The following NEDD4L variants were observed in gnomAD, a reference collection of about 807,000 sequenced individuals.
The protein encoded by NEDD4L is E3 ubiquitin-protein ligase NEDD4-like.
In NEDD4L, 54 loss-of-function variants were observed where a neutral mutation model predicts 148.9. The observed-to-expected ratio is 0.36, with a 90% CI of 0.29 to 0.45. The LOEUF is 0.45. NEDD4L is among the 20% of genes least tolerant of loss of function. The pLI is 1.00. For synonymous variants in NEDD4L, 433 were observed against 440.7 expected (o/e 0.98, Z 0.22); for missense variants, 856 against 1,233.8 (o/e 0.69, Z 4.59).
chr18:58,112,614 A>C (rs1373105756), intron 1 of NEDD4L, among the ~76,000 whole-genome samples: 1 of 151,934 alleles, frequency 6.6e-6, no homozygotes. Flanking sequence ...TCTGCCTCCC[A>C]AGTAGCTGGG....
intron 1 of NEDD4L, among the ~76,000 whole-genome samples, chr18:58,057,425 A>C (rs1370558468): frequency 6.6e-6 from 1 of 152,112 alleles, no homozygotes; most frequent in Non-Finnish European, 1.5e-5. Context: ...AACAGCTGGG[A>C]GCGTTTGCTT....
At chr18:58,312,799 A>G (rs113046684) in intron 5 of NEDD4L, among the ~76,000 whole-genome samples, 4 of 152,012 alleles carry the variant, frequency 2.6e-5, no homozygotes, top group East Asian at 1.9e-4. Context: ...TCCTGCCTCA[A>G]CCTCCCAAGT....
chr18:58,148,696 T>C (rs2034366100), intron 1 of NEDD4L, among the ~76,000 whole-genome samples: 1 of 152,224 alleles, frequency 6.6e-6, no homozygotes, highest in African/African-American at 2.4e-5. Flanking sequence ...TCATTTTACC[T>C]TAATAACCTC....
intron 5 of NEDD4L, among the ~76,000 whole-genome samples, chr18:58,306,154 G>A (rs1269417425): frequency 6.6e-6 from 1 of 152,074 alleles, no homozygotes; most frequent in Non-Finnish European, 1.5e-5. Flanking sequence ...CAAGGAAGAG[G>A]ACATATGGAA....
intron 5 of NEDD4L, among the ~76,000 whole-genome samples, chr18:58,296,980 G>C (rs910245240): frequency 2.0e-5 from 3 of 152,120 alleles, no homozygotes; most frequent in Non-Finnish European, 2.9e-5. Flanking sequence ...CCAGCTACTT[G>C]GGAGGCTGAG....
At chr18:58,134,880 C>T (rs964582659) in intron 1 of NEDD4L, among the ~76,000 whole-genome samples, 22 of 151,062 alleles carry the variant, frequency 1.5e-4, no homozygotes, top group African/African-American at 5.1e-4. Flanking sequence ...ACCTTTAGTA[C>T]AGTGTGAAGT....
chr18:58,388,807 G>C, intron 27 of NEDD4L: 1 of 431,356 alleles, frequency 2.3e-6, no homozygotes, highest in South Asian at 2.4e-5. Context: ...CGTAAGACTA[G>C]AGGGGTAGGG....
intron 13 of NEDD4L, among the ~76,000 whole-genome samples, chr18:58,338,477 T>C (rs2042039870): frequency 6.6e-6 from 1 of 152,242 alleles, no homozygotes; most frequent in Non-Finnish European, 1.5e-5. Context: ...CAAATTGCCC[T>C]CTCACATAAA....
intron 2 of NEDD4L, among the ~76,000 whole-genome samples, chr18:58,227,506 G>T (rs117541402): frequency 0.017 from 2,557 of 152,202 alleles, 39 homozygotes; most frequent in Middle Eastern, 0.044. Flanking sequence ...AATGGAATTC[G>T]CTGGGTGATT....
intron 1 of NEDD4L, among the ~76,000 whole-genome samples, chr18:58,097,056 G>A (rs1490850336): frequency 6.6e-6 from 1 of 152,108 alleles, no homozygotes; most frequent in Non-Finnish European, 1.5e-5. Flanking sequence ...ACATCAAACT[G>A]TGGCATTGCA....
At chr18:58,149,483 A>G in intron 1 of NEDD4L, 1 of 1,550,744 alleles carries the variant, frequency 6.4e-7, no homozygotes, top group Non-Finnish European at 8.7e-7. Flanking sequence ...TCTGCCCTTG[A>G]GTTTTCCAGC....
At chr18:58,331,523 A>G (rs866304200) in intron 11 of NEDD4L, among the ~76,000 whole-genome samples, 1 of 152,190 alleles carries the variant, frequency 6.6e-6, no homozygotes, top group Non-Finnish European at 1.5e-5. Context: ...ACCATCAGAA[A>G]CATACTTTCT....
At chr18:58,383,561 A>G (rs978392614) in intron 25 of NEDD4L, among the ~76,000 whole-genome samples, 1 of 152,242 alleles carries the variant, frequency 6.6e-6, no homozygotes, top group African/African-American at 2.4e-5. Context: ...GAAAAGGTCT[A>G]TATTATTGAG....
Position 58,396,352 on chromosome 18 carries a change from CGATGGCAGAGA to C in NEDD4L, c.*85_*95del, listed in dbSNP as rs2050490715. ...TTTGCCTAACAGACTTTTGCAGAGG[CGATGGCAGAGA>C]GCAGCTGCAGGCATGGTCCCTGGAG... On this transcript the variant is annotated 3_prime_UTR_variant, in exon 31 of 31. Coordinates refer to ENST00000400345, the MANE Select transcript of NEDD4L (RefSeq NM_001144967.3). 2 of 922,028 alleles carry C rather than the reference CGATGGCAGAGA, an allele frequency of 2.2e-6. No homozygotes were observed. The highest frequency in any genetic ancestry group is 3.5e-6 in the Non-Finnish European group (2 of 579,146). The allele number at this position is 922,028 out of a possible 1,614,324, so 57.1% of individuals were successfully genotyped here.
chr18:58,109,832 T>G (rs1325707545), intron 1 of NEDD4L, among the ~76,000 whole-genome samples: 1 of 152,114 alleles, frequency 6.6e-6, no homozygotes, highest in Non-Finnish European at 1.5e-5. Flanking sequence ...CCTCCCAAAG[T>G]GCTAGGATTA....
Position 58,237,258 on chromosome 18 carries a change from A to G in NEDD4L, c.123-8169A>G, listed in dbSNP as rs980334976. On this transcript the variant is annotated intron_variant, in intron 2 of 30. Coordinates refer to ENST00000400345, the MANE Select transcript of NEDD4L (RefSeq NM_001144967.3). ...TGGTGCCCACCACAGTCCCTTGTGT[A>G]TGGTGGATGCTCCTTGACTATCTGA... is the stretch of plus-strand genomic sequence containing the variant. Among the ~76,000 whole-genome samples, 5 of 152,040 alleles carry G rather than the reference A, an allele frequency of 3.3e-5. No individual in the cohort carries two copies. In the South Asian group the frequency reaches 1.0e-3, roughly 32 times the overall value.
At chr18:58,087,957 T>G (rs75399661) in intron 1 of NEDD4L, among the ~76,000 whole-genome samples, 13,259 of 152,314 alleles carry the variant, frequency 0.087, 694 homozygotes, top group Admixed American at 0.15. Context: ...GTCTCCGCTG[T>G]GTCAGTATGT....
At chr18:58,056,116 T>G (rs1468798649) in intron 1 of NEDD4L, among the ~76,000 whole-genome samples, 1 of 152,194 alleles carries the variant, frequency 6.6e-6, no homozygotes. Context: ...AGGGAGGAGT[T>G]GACAAACACC....
chr18:58,270,533 CA>C (rs1421376882), intron 5 of NEDD4L, among the ~76,000 whole-genome samples: 1 of 152,160 alleles, frequency 6.6e-6, no homozygotes. Context: ...CATATCTGAA[CA>C]ATTTTTTGAC....
Sources: allele counts gnomAD v4.1 joint callset (sites outside exome capture counted in the v4.1 genomes callset), GRCh38; gene constraint gnomAD v4.1.1; transcripts MANE v1.5; gene names NCBI Gene and HGNC (gene_info 2026-07-23, HGNC 2026-07-21).